NAA60: variants seen among roughly 807,000 people sequenced by gnomAD.
NAA60 encodes the protein N-alpha-acetyltransferase 60, NatF catalytic subunit.
NAA60 carries 8 observed loss-of-function variants against 26.1 expected under a neutral mutation model. The ratio of observed to expected loss-of-function variants is 0.31; its 90% CI spans 0.18 to 0.55. The LOEUF (loss-of-function observed/expected upper bound fraction) is 0.55. Ranked by LOEUF, NAA60 falls within the 20% of genes least tolerant of loss-of-function variation. The pLI is 0.93. For missense variants in NAA60, 290 were observed against 311.3 expected (o/e 0.93, Z 0.51); for synonymous variants, 131 against 122.5 (o/e 1.07, Z -0.46).
intron 2 of NAA60, among the ~76,000 whole-genome samples, chr16:3,456,287 C>T (rs1350749072): frequency 6.6e-6 from 1 of 152,198 alleles, no homozygotes; most frequent in Non-Finnish European, 1.5e-5. Context: ...GCATTTTTAG[C>T]AAGCTCCCAG....
At chr16:3,456,029 G>A (rs551242142) in intron 2 of NAA60, among the ~76,000 whole-genome samples, 5 of 151,008 alleles carry the variant, frequency 3.3e-5, no homozygotes, top group South Asian at 4.3e-4. Context: ...AGTTTGAAGG[G>A]ATGTACATGC....
At chr16:3,485,192 C>G in intron 7 of NAA60, 131 bp downstream of exon 7, 1 of 710,004 alleles carries the variant, frequency 1.4e-6, no homozygotes, top group Non-Finnish European at 2.5e-6. Context: ...CCACCTTATG[C>G]ACCAGCACAG....
At chr16:3,466,610 T>C (rs2035778338) in intron 2 of NAA60, among the ~76,000 whole-genome samples, 1 of 152,238 alleles carries the variant, frequency 6.6e-6, no homozygotes, top group Non-Finnish European at 1.5e-5. Context: ...TTTTTCAAGC[T>C]AGTAAACCTT....
At chr16:3,476,075 C>T (rs910084837) in intron 2 of NAA60, 147 bp from the exon 3 acceptor site, 6 of 606,042 alleles carry the variant, frequency 9.9e-6, no homozygotes, top group African/African-American at 3.7e-5. Context: ...GGAGGGCGAT[C>T]GTGAGAGGCA....
At chr16:3,455,386 GTTTTTT>G (rs35501650) in intron 2 of NAA60, among the ~76,000 whole-genome samples, 5 of 101,962 alleles carry the variant, frequency 4.9e-5, no homozygotes, top group Non-Finnish European at 7.6e-5. Context: ...AGAGTTTTTA[GTTTTTT>G]TTTTTTTTTT....
intron 5 of NAA60, 141 bp downstream of exon 5, chr16:3,482,739 G>C: frequency 1.5e-6 from 1 of 672,812 alleles, no homozygotes; most frequent in Admixed American, 2.2e-5. Flanking sequence ...TTCCATCCTC[G>C]TTCCCGTCTT....
chr16:3,465,601 C>A, intron 2 of NAA60, among the ~76,000 whole-genome samples: 1 of 152,194 alleles, frequency 6.6e-6, no homozygotes, highest in Admixed American at 6.5e-5. Context: ...TCTGGGGGGA[C>A]CCTGCGTGTC....
intron 2 of NAA60, among the ~76,000 whole-genome samples, chr16:3,459,060 A>G (rs541858195): frequency 6.6e-6 from 1 of 152,266 alleles, no homozygotes; most frequent in African/African-American, 2.4e-5. Flanking sequence ...TGAGGCGTAC[A>G]CTTTTGTGTC....
chr16:3,480,920 A>C (rs2151015846), intron 4 of NAA60, among the ~76,000 whole-genome samples: 1 of 152,152 alleles, frequency 6.6e-6, no homozygotes, highest in Non-Finnish European at 1.5e-5. Context: ...AAATAAGTAA[A>C]TAAAAGTGCA....
At chr16:3,482,697 ACT>A in intron 5 of NAA60, 99 bp downstream of exon 5, 1 of 859,252 alleles carries the variant, frequency 1.2e-6, no homozygotes, top group Non-Finnish European at 1.9e-6. Context: ...GGCCCCAACA[ACT>A]CTGGCTCGTG....
At chr16:3,482,399 TG>T in intron 4 of NAA60, 102 bp from the exon 5 acceptor site, 1 of 913,256 alleles carries the variant, frequency 1.1e-6, no homozygotes, top group Non-Finnish European at 1.7e-6. Context: ...GGTGTCCCTC[TG>T]GCTGTCGTGG....
chr16:3,449,519 G>GA (rs1325847050), intron 2 of NAA60, among the ~76,000 whole-genome samples: 7 of 150,066 alleles, frequency 4.7e-5, no homozygotes, highest in Non-Finnish European at 7.4e-5. Context: ...CTCTGTCTCA[G>GA]AAAAAAAAAG....
chr16:3,470,588 C>T (rs972220251), intron 2 of NAA60, among the ~76,000 whole-genome samples: 1 of 151,800 alleles, frequency 6.6e-6, no homozygotes, highest in Admixed American at 6.6e-5. Context: ...CCTGCTGTGA[C>T]TGCAGGCACG....
At chr16:3,470,399 ACAG>A (rs1220391884) in intron 2 of NAA60, among the ~76,000 whole-genome samples, 4 of 152,210 alleles carry the variant, frequency 2.6e-5, no homozygotes, top group African/African-American at 9.6e-5. Flanking sequence ...CGGCTGGGTG[ACAG>A]CAGTAATTCT....
At chr16:3,471,540 C>A (rs958685080) in intron 2 of NAA60, among the ~76,000 whole-genome samples, 2 of 152,050 alleles carry the variant, frequency 1.3e-5, no homozygotes, top group African/African-American at 4.8e-5. Context: ...GGAACGTTTT[C>A]GTCCCCTCAG....
chr16:3,465,759 T>C (rs2035718296), intron 2 of NAA60, among the ~76,000 whole-genome samples: 1 of 152,180 alleles, frequency 6.6e-6, no homozygotes, highest in Non-Finnish European at 1.5e-5. Flanking sequence ...CAGTGGGTTT[T>C]GTGAGTACTT....
At chr16:3,474,608 G>A (rs887484993) in intron 2 of NAA60, among the ~76,000 whole-genome samples, 1 of 152,210 alleles carries the variant, frequency 6.6e-6, no homozygotes, top group African/African-American at 2.4e-5. Context: ...AGAGAGGCTG[G>A]GCTCGCCCTG....
At chr16:3,457,409 T>C (rs952366483) in intron 2 of NAA60, among the ~76,000 whole-genome samples, 4 of 152,184 alleles carry the variant, frequency 2.6e-5, no homozygotes, top group Non-Finnish European at 5.9e-5. Context: ...TGAGCCGAGA[T>C]TGCGCCCCAG....
intron 6 of NAA60, 123 bp from the exon 7 acceptor site, chr16:3,484,576 C>G (rs2037055412): frequency 2.3e-6 from 3 of 1,304,558 alleles, no homozygotes; most frequent in Non-Finnish European, 3.1e-6. Context: ...AGCGGGCTCT[C>G]AGCCTCCGAA....
Sources: allele counts gnomAD v4.1 joint callset (sites outside exome capture counted in the v4.1 genomes callset), GRCh38; gene constraint gnomAD v4.1.1; transcripts MANE v1.5; gene names NCBI Gene and HGNC (gene_info 2026-07-23, HGNC 2026-07-21).